Variants in LRP1B observed in about 807,000 individuals in gnomAD.
LRP1B encodes the protein low-density lipoprotein receptor-related protein 1B.
Under a neutral mutation model 556.6 loss-of-function variants are expected in LRP1B, and 217 were observed. The observed-to-expected ratio is 0.39, with a 90% CI of 0.35 to 0.44. LRP1B has a LOEUF of 0.44. Among genes scored for constraint, LRP1B ranks in the 20% least tolerant of loss-of-function variants. LRP1B has a pLI of 1.00. For synonymous variants in LRP1B, 2,047 were observed against 1,865.8 expected (o/e 1.10, Z -2.50); for missense variants, 5,053 against 5,620.8 (o/e 0.90, Z 3.23).
In LRP1B at chr2:140,890,771, C is replaced by T. The variant is rs77542440; in HGVS notation, c.3767-4436G>A. Among the ~76,000 whole-genome samples the T allele has an allele frequency of 1.3e-4, 20 of 151,924 alleles. No homozygotes were observed. In the East Asian group the frequency reaches 3.9e-3, roughly 29 times the overall value. On this transcript the variant is annotated intron_variant, in intron 23 of 90. Coordinates refer to ENST00000389484, the MANE Select transcript of LRP1B (RefSeq NM_018557.3). ...TAGTCCAATGTGTTATTTCATAAACCAGTGGGAAATCATGAAGATAGAATT... is the reference window on the plus strand; with the variant it reads ...TAGTCCAATGTGTTATTTCATAAACTAGTGGGAAATCATGAAGATAGAATT...
In LRP1B at chr2:140,845,819, A is replaced by G. The variant is rs180996647; in HGVS notation, c.4939+4283T>C. ...ACTAGTGAACTACAAAACAAATTGA[A>G]AGAAGTTAACAGAGTTAGCACAGAG... On this transcript the variant is annotated intron_variant, in intron 29 of 90. Transcript: ENST00000389484. Among the ~76,000 whole-genome samples, 288 of 152,338 alleles carry G rather than the reference A, an allele frequency of 1.9e-3. 2 individuals carry two copies. Among genetic ancestry groups the G allele is most frequent in the Non-Finnish European group, 1.2e-3 (82 of 68,020 alleles).
Position 140,963,385 on chromosome 2 carries a change from A to G in LRP1B, c.2888-11445T>C, listed in dbSNP as rs973869670. ...TGCCATCCACGACCTAGATTTTTAC[A>G]TAATTATTTCCTTTGACCCTGATTT... On this transcript the variant is annotated intron_variant, in intron 18 of 90. Transcript: ENST00000389484. Among the ~76,000 whole-genome samples, 5 of 152,122 alleles carry G rather than the reference A, an allele frequency of 3.3e-5. No individual in the cohort carries two copies. The East Asian group carries it at 7.7e-4, about 23-fold the overall frequency.
intron 35 of LRP1B, among the ~76,000 whole-genome samples, chr2:140,741,164 C>A (rs1231001939): frequency 6.6e-6 from 1 of 152,160 alleles, no homozygotes; most frequent in African/African-American, 2.4e-5. Context: ...GAAAAGCTAG[C>A]ACATATGCAA....
chr2:141,431,124 ACT>A (rs1287891933), intron 3 of LRP1B, among the ~76,000 whole-genome samples: 1 of 132,568 alleles, frequency 7.5e-6, no homozygotes, highest in Non-Finnish European at 1.6e-5. Context: ...CAAGAGAGTG[ACT>A]CTGTCTCAAA....
chr2:140,364,759 TC>T lies in LRP1B; in HGVS notation c.11032del (p.Glu3678SerfsTer78), dbSNP rs1385483102. ...GCAGAGAGAATTATTGCAAAGGAACTCATCAGCTCTACATATATTTCCTCCT... is the reference window on the plus strand; with the variant it reads ...GCAGAGAGAATTATTGCAAAGGAACTATCAGCTCTACATATATTTCCTCCT... ...ERGGNICRAD[E>X]FLCNNSLCKL... is the part of the protein sequence containing the mutation. On this transcript the variant is annotated frameshift_variant, in exon 72 of 91. Coordinates refer to ENST00000389484, the MANE Select transcript of LRP1B (RefSeq NM_018557.3). LOFTEE classifies it high-confidence loss of function. 6.2e-7 allele frequency: 1 copy of T among 1,610,046 alleles called. No individual in the cohort carries two copies. The highest frequency in any genetic ancestry group is 8.5e-7 in the Non-Finnish European group (1 of 1,177,278).
intron 67 of LRP1B, among the ~76,000 whole-genome samples, chr2:140,379,786 T>C (rs919465702): frequency 7.2e-5 from 11 of 152,152 alleles, no homozygotes; most frequent in African/African-American, 2.7e-4. Context: ...TTCGTTCTAC[T>C]CTGCTACTTA....
At chr2:141,924,751 C>T (rs1700288720) in intron 1 of LRP1B, among the ~76,000 whole-genome samples, 3 of 152,144 alleles carry the variant, frequency 2.0e-5, no homozygotes, top group African/African-American at 7.2e-5. Context: ...AGGGAACTCT[C>T]CCATTTCGTC....
At chr2:141,440,074 G>A (rs1168575436) in intron 3 of LRP1B, among the ~76,000 whole-genome samples, 4 of 152,120 alleles carry the variant, frequency 2.6e-5, no homozygotes, top group African/African-American at 9.7e-5. Context: ...TCCAGGGCAC[G>A]TTGAAAATGA....
At chr2:141,828,689 G>A (rs919165162) in intron 1 of LRP1B, among the ~76,000 whole-genome samples, 6 of 152,090 alleles carry the variant, frequency 3.9e-5, no homozygotes, top group Non-Finnish European at 8.8e-5. Context: ...ATCAGGGATA[G>A]GCACATGACC....
At chr2:140,483,572 A>G (rs1688327174) in intron 59 of LRP1B, among the ~76,000 whole-genome samples, 1 of 145,560 alleles carries the variant, frequency 6.9e-6, no homozygotes, top group Non-Finnish European at 1.5e-5. Flanking sequence ...ATATATATAT[A>G]TATATGTACA....
intron 1 of LRP1B, among the ~76,000 whole-genome samples, chr2:141,827,187 G>A (rs1413602978): frequency 6.6e-6 from 1 of 152,182 alleles, no homozygotes; most frequent in East Asian, 1.9e-4. Context: ...CTGCCCTGAG[G>A]CAGCTACATA....
At chr2:140,270,164 A>G in intron 86 of LRP1B, 78 bp downstream of exon 86, 1 of 1,001,444 alleles carries the variant, frequency 1.0e-6, no homozygotes, top group Non-Finnish European at 1.6e-6. Flanking sequence ...ACCCCAGAAA[A>G]GGAGAATAAT....
At chr2:140,752,363 G>A (rs10172484) in intron 35 of LRP1B, among the ~76,000 whole-genome samples, 42,613 of 96,034 alleles carry the variant, frequency 0.44, 6,396 homozygotes, top group South Asian at 0.56. Flanking sequence ...CCATTCTGTC[G>A]CCCAGGTTTG....
intron 43 of LRP1B, among the ~76,000 whole-genome samples, chr2:140,586,938 G>A (rs1039035312): frequency 9.9e-5 from 15 of 151,702 alleles, no homozygotes; most frequent in African/African-American, 3.4e-4. Context: ...AGATTTAAAA[G>A]TAGCTATAAT....
At chr2:141,115,634 T>TGC (rs377121606) in intron 7 of LRP1B, among the ~76,000 whole-genome samples, 1 of 105,652 alleles carries the variant, frequency 9.5e-6, no homozygotes, top group Non-Finnish European at 2.1e-5. Flanking sequence ...TTTGTGTGTG[T>TGC]GTGTGTGTGT....
At chr2:140,708,570 G>T (rs1043643004) in intron 37 of LRP1B, among the ~76,000 whole-genome samples, 1 of 127,648 alleles carries the variant, frequency 7.8e-6, no homozygotes, top group Non-Finnish European at 1.8e-5. Flanking sequence ...CCATGTTATA[G>T]TTCATTTTTC....
chr2:141,559,056 T>A (rs1686054641), intron 2 of LRP1B, among the ~76,000 whole-genome samples: 1 of 151,650 alleles, frequency 6.6e-6, no homozygotes, highest in African/African-American at 2.4e-5. Flanking sequence ...TTGCTAAAAT[T>A]TTAATGTAAA....
chr2:140,581,371 T>C (rs1041734248), intron 43 of LRP1B, among the ~76,000 whole-genome samples: 2 of 152,198 alleles, frequency 1.3e-5, no homozygotes, highest in African/African-American at 2.4e-5. Flanking sequence ...GTAGCACACC[T>C]CTTCAGATAC....
At chr2:141,704,731 T>C (rs1394251928) in intron 2 of LRP1B, among the ~76,000 whole-genome samples, 5 of 151,982 alleles carry the variant, frequency 3.3e-5, no homozygotes, top group Admixed American at 2.6e-4. Flanking sequence ...CTGGCAGTAG[T>C]CTCTTCTAAC....
Sources: allele counts gnomAD v4.1 joint callset (sites outside exome capture counted in the v4.1 genomes callset), GRCh38; gene constraint gnomAD v4.1.1; transcripts MANE v1.5; gene names NCBI Gene and HGNC (gene_info 2026-07-23, HGNC 2026-07-21).